SLC24A2: variants seen among roughly 807,000 people sequenced by gnomAD.
The protein encoded by SLC24A2 is solute carrier family 24 member 2.
Under a neutral mutation model 62.0 loss-of-function variants are expected in SLC24A2, and 36 were observed. The observed-to-expected ratio is 0.58, with a 90% CI of 0.44 to 0.77. The LOEUF (loss-of-function observed/expected upper bound fraction) is 0.77, where lower values mean the gene tolerates loss of function less well. SLC24A2 is among the 30% of genes least tolerant of loss of function. The probability of loss-of-function intolerance (pLI) is 0.00; values close to 1 mark genes in which losing one functional copy is unlikely to be tolerated. For synonymous variants in SLC24A2, 358 were observed against 294.0 expected, an observed-to-expected ratio of 1.22 and a Z score of -2.23; for missense variants, 846 against 817.9, an observed-to-expected ratio of 1.03 and a Z score of -0.42.
the SLC24A2 span, among the ~76,000 whole-genome samples, chr9:19,829,979 G>C: frequency 6.6e-6 from 1 of 151,502 alleles, no homozygotes; most frequent in Non-Finnish European, 1.5e-5. Context: ...TTTGATATAA[G>C]AGGAAGAGTA....
At chr9:20,100,018 C>T in the SLC24A2 span, among the ~76,000 whole-genome samples, 1 of 151,602 alleles carries the variant, frequency 6.6e-6, no homozygotes, top group Non-Finnish European at 1.5e-5. Context: ...TTCTCCTATT[C>T]ATCTTTTTTT....
chr9:19,910,135 T>A, the SLC24A2 span, among the ~76,000 whole-genome samples: 1 of 152,068 alleles, frequency 6.6e-6, no homozygotes, highest in African/African-American at 2.4e-5. Context: ...CCAATCTTAT[T>A]TCCTCTTCAT....
chr9:20,129,987 G>T, the SLC24A2 span, among the ~76,000 whole-genome samples: 1 of 135,648 alleles, frequency 7.4e-6, no homozygotes, highest in Non-Finnish European at 1.6e-5. Context: ...TTCCTAGAAG[G>T]TAGTTTTGGC....
chr9:20,149,481 C>T, the SLC24A2 span, among the ~76,000 whole-genome samples: 1 of 148,372 alleles, frequency 6.7e-6, no homozygotes, highest in Non-Finnish European at 1.5e-5. Flanking sequence ...GATTGGCAAA[C>T]TTTTTCTGTA....
the SLC24A2 span, among the ~76,000 whole-genome samples, chr9:20,283,164 CAT>C: frequency 6.6e-6 from 1 of 152,180 alleles, no homozygotes; most frequent in Admixed American, 6.6e-5. Flanking sequence ...TCGAAAAAAT[CAT>C]ATTTTAATTT....
rs117638161 is a variant in SLC24A2 at position 19,659,087 on chromosome 9, T to C, written c.931-36788A>G. On this transcript the variant is annotated intron_variant, in intron 2 of 10. Transcript: ENST00000341998. ...ACAGGATTGTTGCAGATGTAATTAG[T>C]TAAGATAAGGGGTAGGGAGGTCCTA... is the stretch of plus-strand genomic sequence containing the variant. 1.5e-3 allele frequency among the ~76,000 whole-genome samples: 224 copies of C among 152,254 alleles called. 7 individuals are homozygous for C. The East Asian group carries it at 0.039, about 27-fold the overall frequency.
the SLC24A2 span, among the ~76,000 whole-genome samples, chr9:20,261,387 T>C: frequency 2.6e-5 from 4 of 152,160 alleles, no homozygotes; most frequent in Non-Finnish European, 5.9e-5. Context: ...TATGCCATGG[T>C]AGAAGTGCAA....
chr9:20,162,781 C>G, the SLC24A2 span, among the ~76,000 whole-genome samples: 1 of 152,112 alleles, frequency 6.6e-6, no homozygotes, highest in African/African-American at 2.4e-5. Flanking sequence ...GCTTATACAT[C>G]ATGATCAAGT....
chr9:19,672,584 T>A (rs1819451508), intron 2 of SLC24A2, among the ~76,000 whole-genome samples: 1 of 146,646 alleles, frequency 6.8e-6, no homozygotes. Context: ...GGGGTCTGGG[T>A]TTGGCTTGCT....
chr9:19,524,699 T>A (rs1833356298), intron 9 of SLC24A2, among the ~76,000 whole-genome samples: 1 of 152,190 alleles, frequency 6.6e-6, no homozygotes, highest in South Asian at 2.1e-4. Context: ...TTCTCTTCCA[T>A]CAATGAAAAG....
the SLC24A2 span, among the ~76,000 whole-genome samples, chr9:20,209,019 T>C: frequency 0.8 from 121,367 of 152,196 alleles, 48,568 homozygotes; most frequent in East Asian, 0.96. Context: ...CTTATTTACC[T>C]TGTCACTCAT....
the SLC24A2 span, among the ~76,000 whole-genome samples, chr9:19,917,136 G>T: frequency 1.3e-5 from 2 of 150,918 alleles, no homozygotes; most frequent in African/African-American, 4.8e-5. Flanking sequence ...AGATTGGAAT[G>T]TCCTTATTCA....
chr9:20,277,005 T>C, the SLC24A2 span, among the ~76,000 whole-genome samples: 1 of 152,210 alleles, frequency 6.6e-6, no homozygotes, highest in Non-Finnish European at 1.5e-5. Context: ...TGCCTTGAAG[T>C]TCACTGACAT....
chr9:19,605,564 G>A (rs1836961000), intron 4 of SLC24A2, among the ~76,000 whole-genome samples: 2 of 152,196 alleles, frequency 1.3e-5, no homozygotes, highest in South Asian at 4.1e-4. Context: ...ACCAGGACCT[G>A]AAGATATGGC....
At chr9:20,102,619 G>C in the SLC24A2 span, among the ~76,000 whole-genome samples, 4 of 151,110 alleles carry the variant, frequency 2.6e-5, no homozygotes, top group African/African-American at 9.7e-5. Flanking sequence ...TTCTGCACAT[G>C]TATCCCAGAA....
At chr9:19,930,894 T>C in the SLC24A2 span, among the ~76,000 whole-genome samples, 1 of 152,294 alleles carries the variant, frequency 6.6e-6, no homozygotes, top group South Asian at 2.1e-4. Context: ...ATTTTAAAGA[T>C]TAATAATGGG....
At chr9:19,581,542 G>A (rs1836210627) in intron 5 of SLC24A2, among the ~76,000 whole-genome samples, 1 of 152,214 alleles carries the variant, frequency 6.6e-6, no homozygotes, top group South Asian at 2.1e-4. Context: ...CCCATTGCAT[G>A]TTTCAATGGC....
At chr9:20,253,785 GAC>G in the SLC24A2 span, among the ~76,000 whole-genome samples, 3 of 152,162 alleles carry the variant, frequency 2.0e-5, no homozygotes, top group African/African-American at 7.2e-5. Flanking sequence ...AGGAGAGAGT[GAC>G]ACAGTCAGTT....
chr9:20,276,272 C>T, the SLC24A2 span, among the ~76,000 whole-genome samples: 1,471 of 152,292 alleles, frequency 9.7e-3, 29 homozygotes, highest in African/African-American at 0.034. Context: ...TAAATGCAGC[C>T]ATTCCAAATG....
Sources: gnomAD v4.1 joint callset for allele counts (sites outside exome capture counted in the v4.1 genomes callset) on GRCh38, gnomAD v4.1.1 for gene constraint, MANE v1.5 for transcripts, NCBI Gene and HGNC (gene_info 2026-07-23, HGNC 2026-07-21) for gene names.